The following TBC1D8 variants were observed in gnomAD, a reference collection of about 807,000 sequenced individuals.
The protein encoded by TBC1D8 is BUB2-like protein 1.
In TBC1D8, 65 loss-of-function variants were observed where a neutral mutation model predicts 118.8. That is an observed-to-expected ratio of 0.55 (90% CI 0.45 to 0.67). The LOEUF (loss-of-function observed/expected upper bound fraction) is 0.67, where lower values mean the gene tolerates loss of function less well. Among genes scored for constraint, TBC1D8 ranks in the 30% least tolerant of loss-of-function variants. TBC1D8 has a pLI of 0.00. For missense variants in TBC1D8, 1,376 were observed against 1,471.2 expected (o/e 0.94, Z 1.06); for synonymous variants, 566 against 595.8 (o/e 0.95, Z 0.73).
intron 1 of TBC1D8, among the ~76,000 whole-genome samples, chr2:101,097,295 T>C (rs1336850034): frequency 2.0e-5 from 3 of 151,980 alleles, no homozygotes; most frequent in South Asian, 2.1e-4. Flanking sequence ...CAGACCTAAT[T>C]AGCAAAAAAT....
At chr2:101,142,634 G>T (rs1262497075) in intron 1 of TBC1D8, among the ~76,000 whole-genome samples, 1 of 152,128 alleles carries the variant, frequency 6.6e-6, no homozygotes, top group African/African-American at 2.4e-5. Context: ...CATAATGCAG[G>T]GGGTGGGGTG....
rs748991091 is a variant in TBC1D8 at position 101,090,293 on chromosome 2, G to A, written c.199C>T (p.Gln67Ter). The A allele has an allele frequency of 6.2e-7, 1 of 1,614,024 alleles. No homozygotes were observed. The highest frequency in any genetic ancestry group is 1.1e-5 in the South Asian group (1 of 91,088). Residue 67 changes from glutamine (Q) to a stop codon, truncating the protein, a stop_gained, in exon 2 of 20, where the codon CAA (glutamine) becomes TAA (stop). Transcript: ENST00000409318. LOFTEE classifies it high-confidence loss of function. ...GAATAAACCTGGGAGCCGGGAACTT[G>A]AAGCAGAATTCGAAATGGAGCGACC... Reference protein sequence around the residue: ...ARVAPFRILLQVPGSQVYSPI... With the variant: ...ARVAPFRILL
chr2:101,054,301 G>A lies in TBC1D8; in HGVS notation c.438C>T (p.Ala146=), dbSNP rs753489134. 46 of 1,575,932 alleles carry A rather than the reference G, an allele frequency of 2.9e-5. No individual in the cohort carries two copies. The highest frequency in any genetic ancestry group is 6.7e-5 in the African/African-American group (5 of 74,082). ...LIAEETSSRL[A]EQEEEPEKFR... ...ATTTCTCGGGTTCCTCCTCCTGCTC[G>A]GCGAGCCTGCTGCTGGTCTCCTCGG... is the stretch of plus-strand genomic sequence containing the variant. Residue 146 remains alanine (A), a synonymous_variant, in exon 4 of 20, where the codon GCC becomes GCT. Coordinates refer to ENST00000409318, the MANE Select transcript of TBC1D8 (RefSeq NM_001330348.2).
At chr2:101,027,251 C>T (rs1680388729) in intron 15 of TBC1D8, 132 bp downstream of exon 15, 2 of 741,142 alleles carry the variant, frequency 2.7e-6, no homozygotes, top group East Asian at 5.5e-5. Context: ...AAGACAGCTT[C>T]AAGGGGGGCA....
intron 2 of TBC1D8, among the ~76,000 whole-genome samples, chr2:101,081,565 G>C (rs1242798485): frequency 3.9e-5 from 6 of 152,108 alleles, no homozygotes; most frequent in Non-Finnish European, 7.3e-5. Flanking sequence ...CCCTGAAGTG[G>C]GCCCCCTGGG....
chr2:101,036,202 G>C (rs377715242), intron 8 of TBC1D8, 34 bp from the exon 9 acceptor site: 2 of 1,602,070 alleles, frequency 1.2e-6, no homozygotes, highest in Non-Finnish European at 1.7e-6. Flanking sequence ...GTACAAAGAA[G>C]TCTGTCCTCA....
intron 1 of TBC1D8, among the ~76,000 whole-genome samples, chr2:101,137,252 C>T (rs970888989): frequency 6.6e-6 from 1 of 151,960 alleles, no homozygotes; most frequent in African/African-American, 2.4e-5. Context: ...AGGCTGGAGT[C>T]GAACTCCTGA....
At chr2:101,137,693 T>C (rs1356847707) in intron 1 of TBC1D8, among the ~76,000 whole-genome samples, 1 of 152,218 alleles carries the variant, frequency 6.6e-6, no homozygotes, top group African/African-American at 2.4e-5. Flanking sequence ...AGAAACATAC[T>C]GAGTGGAGTT....
intron 2 of TBC1D8, among the ~76,000 whole-genome samples, chr2:101,063,575 T>C (rs529918045): frequency 2.0e-5 from 3 of 152,354 alleles, no homozygotes; most frequent in Middle Eastern, 6.8e-3. Context: ...TGTAATTTCC[T>C]CTGCAGAGAA....
chr2:101,148,898 A>AACC (rs1222229174), intron 1 of TBC1D8, among the ~76,000 whole-genome samples: 4 of 152,080 alleles, frequency 2.6e-5, no homozygotes, highest in African/African-American at 4.8e-5. Flanking sequence ...ATTTTCCAAA[A>AACC]ACCGCCACCA....
At chr2:101,098,707 A>C (rs1381011849) in intron 1 of TBC1D8, among the ~76,000 whole-genome samples, 2 of 152,200 alleles carry the variant, frequency 1.3e-5, no homozygotes, top group Non-Finnish European at 2.9e-5. Flanking sequence ...CAGGATTAAG[A>C]AACTCAACCA....
intron 4 of TBC1D8, among the ~76,000 whole-genome samples, chr2:101,053,240 TTTCAAAAAGAAGGAAGG>T (rs1682180141): frequency 1.3e-5 from 2 of 152,142 alleles, no homozygotes; most frequent in Admixed American, 6.5e-5. Flanking sequence ...TTGAAAAGCA[TTTCAAAAAGAAGGAAGG>T]TGGCCAAGGT....
intron 7 of TBC1D8, among the ~76,000 whole-genome samples, chr2:101,038,123 G>C (rs531762970): frequency 5.3e-5 from 8 of 152,284 alleles, no homozygotes; most frequent in African/African-American, 1.9e-4. Flanking sequence ...CCAGGCCCCA[G>C]CCACCCCGGG....
chr2:101,147,557 G>T (rs1238176369), intron 1 of TBC1D8, among the ~76,000 whole-genome samples: 1 of 152,180 alleles, frequency 6.6e-6, no homozygotes, highest in East Asian at 1.9e-4. Flanking sequence ...ACTGGAGTGC[G>T]GTATTTCCTT....
intron 12 of TBC1D8, 82 bp from the exon 13 acceptor site, chr2:101,028,514 GC>G (rs1680485382): frequency 6.7e-7 from 1 of 1,482,180 alleles, no homozygotes; most frequent in South Asian, 1.4e-5. Flanking sequence ...TGTCAGACAT[GC>G]CAGGGCACTT....
intron 1 of TBC1D8, among the ~76,000 whole-genome samples, chr2:101,094,915 G>A (rs1196156297): frequency 6.6e-6 from 1 of 152,196 alleles, no homozygotes; most frequent in African/African-American, 2.4e-5. Flanking sequence ...AGAGAGAGAT[G>A]GAAGAATCCA....
chr2:101,060,428 A>G (rs570509603), intron 2 of TBC1D8, among the ~76,000 whole-genome samples: 6 of 152,380 alleles, frequency 3.9e-5, no homozygotes, highest in Non-Finnish European at 8.8e-5. Context: ...ATTTATAGCA[A>G]TGACCGTTAA....
intron 1 of TBC1D8, among the ~76,000 whole-genome samples, chr2:101,094,908 G>C (rs1331574997): frequency 2.6e-5 from 4 of 152,234 alleles, no homozygotes; most frequent in Non-Finnish European, 5.9e-5. Flanking sequence ...GAAATGTAGA[G>C]AGAGATGGAA....
intron 15 of TBC1D8, 34 bp downstream of exon 15, chr2:101,027,349 G>T (rs1460854330): frequency 1.2e-6 from 2 of 1,603,740 alleles, no homozygotes; most frequent in Admixed American, 1.7e-5. Flanking sequence ...CCAGCTCAGG[G>T]CCTGGAACCC....
Sources: allele counts gnomAD v4.1 joint callset (sites outside exome capture counted in the v4.1 genomes callset), GRCh38; gene constraint gnomAD v4.1.1; transcripts MANE v1.5; gene names NCBI Gene and HGNC (gene_info 2026-07-23, HGNC 2026-07-21).